The following NLRC4 variants were observed in gnomAD, a reference collection of about 807,000 sequenced individuals.
NLRC4 encodes the protein NLR family CARD domain-containing protein 4.
A neutral mutation model predicts 79.9 loss-of-function variants in NLRC4; 63 were observed. The ratio of observed to expected loss-of-function variants is 0.79; its 90% confidence interval spans 0.64 to 0.97. The LOEUF (loss-of-function observed/expected upper bound fraction) is 0.97. Among genes scored for constraint, NLRC4 ranks in the 50% least tolerant of loss-of-function variants. The probability of loss-of-function intolerance (pLI) is 0.00; values close to 1 mark genes in which losing one functional copy is unlikely to be tolerated. For missense variants in NLRC4, 1,074 were observed against 1,215.2 expected, an observed-to-expected ratio of 0.88 and a Z score of 1.73; for synonymous variants, 461 against 456.5, an observed-to-expected ratio of 1.01 and a Z score of -0.12.
intron 8 of NLRC4, among the ~76,000 whole-genome samples, chr2:32,229,957 T>C (rs190802460): frequency 6.6e-6 from 1 of 152,032 alleles, no homozygotes; most frequent in East Asian, 1.9e-4. Context: ...AGAGGAGAGA[T>C]AGAATGATAA....
chr2:32,257,016 A>C, intron 1 of NLRC4, 123 bp from the exon 2 acceptor site: 1 of 482,160 alleles, frequency 2.1e-6, no homozygotes, highest in Admixed American at 3.4e-5. Flanking sequence ...AAACTCGCTC[A>C]AAGCCCCTGG....
rs1297853554 is a variant in NLRC4 at position 32,252,464 on chromosome 2, G to C, written c.217C>G (p.Leu73Val). Residue 73 changes from leucine to valine, a missense_variant, in exon 3 of 9, where the codon CTT becomes GTT. By Grantham distance (32) the Leu-to-Val change is conservative (BLOSUM62 1). Transcript: ENST00000402280. ...SESCNLFLKS[L>V]KEWNYPLFQD... ...AATAGAGGATAGTTCCACTCCTTAAGGGATTTAAGAAAGAGGTTACAGGAC... is the reference window on the plus strand; with the variant it reads ...AATAGAGGATAGTTCCACTCCTTAACGGATTTAAGAAAGAGGTTACAGGAC... 1.2e-6 allele frequency: 2 copies of C among 1,609,870 alleles called. No individual in the cohort carries two copies. Among genetic ancestry groups the C allele is most frequent in the East Asian group, 4.5e-5 (2 of 44,868 alleles).
intron 8 of NLRC4, among the ~76,000 whole-genome samples, chr2:32,233,806 A>C (rs111648272): frequency 0.014 from 2,146 of 152,270 alleles, 23 homozygotes; most frequent in Non-Finnish European, 0.021. Flanking sequence ...CATTTGGTGT[A>C]TAGTGCAGAT....
intron 4 of NLRC4, among the ~76,000 whole-genome samples, chr2:32,248,353 C>G (rs767758601): frequency 1.3e-5 from 2 of 152,160 alleles, no homozygotes; most frequent in African/African-American, 4.8e-5. Context: ...AAACACACAT[C>G]ATTATACTCC....
At position 32,262,665 on chromosome 2, in the gene NLRC4, A is replaced by T. The variant is rs560599366; in HGVS notation, c.-119+2073T>A. On this transcript the variant is annotated intron_variant, in intron 1 of 8. Coordinates refer to ENST00000402280, the MANE Select transcript of NLRC4 (RefSeq NM_001199138.2). ...GAGGTGCACACCTGTAATCCCAGCT[A>T]CTTGGGAAGCTGGGACAGGAGAGTT... 1.2e-4 allele frequency among the ~76,000 whole-genome samples: 18 copies of T among 152,192 alleles called. No individual in the cohort carries two copies. The East Asian group carries it at 3.5e-3, about 29-fold the overall frequency.
At chr2:32,258,974 C>A (rs1008963872) in intron 1 of NLRC4, among the ~76,000 whole-genome samples, 18 of 152,212 alleles carry the variant, frequency 1.2e-4, no homozygotes, top group Admixed American at 1.0e-3. Context: ...GGGAAGAGAA[C>A]TAGAATCACT....
At chr2:32,228,764 T>C (rs1005994899) in intron 8 of NLRC4, among the ~76,000 whole-genome samples, 1 of 151,814 alleles carries the variant, frequency 6.6e-6, no homozygotes, top group Non-Finnish European at 1.5e-5. Flanking sequence ...GGGTCTGCGA[T>C]GGCTTTTTTT....
intron 1 of NLRC4, among the ~76,000 whole-genome samples, chr2:32,264,294 C>T (rs375450588): frequency 3.2e-4 from 48 of 151,760 alleles, no homozygotes; most frequent in African/African-American, 1.1e-3. Flanking sequence ...TTAGCTGGGG[C>T]GCGGTGCCGG....
At chr2:32,251,696 T>C (rs933619123) in intron 3 of NLRC4, 95 bp from the exon 4 acceptor site, 14 of 813,030 alleles carry the variant, frequency 1.7e-5, no homozygotes, top group Middle Eastern at 3.7e-4. Flanking sequence ...AGGCTGAGAA[T>C]CTGCCATTGG....
chr2:32,250,450 C>T lies in NLRC4; in HGVS notation c.1414G>A (p.Gly472Ser), dbSNP rs1373301484. 1 of 1,614,086 alleles carries T rather than the reference C, an allele frequency of 6.2e-7. No individual in the cohort carries two copies. Among genetic ancestry groups the T allele is most frequent in the Non-Finnish European group, 8.5e-7 (1 of 1,180,048 alleles). Residue 472 changes from glycine (G) to serine (S), a missense_variant, in exon 4 of 9, where the codon GGT becomes AGT. Physicochemically the swap from Gly to Ser is moderately conservative, Grantham distance 56. Coordinates refer to ENST00000402280, the MANE Select transcript of NLRC4 (RefSeq NM_001199138.2). This position sits in a 1 kb window ranked among gnomAD's most constrained non-coding sequence, Gnocchi z 4.9. Reference sequence around the variant, plus strand: ...ATGGAAACCATTTTCTGCAAGTAACCATTCCCCTTGGTCACCTCCTCTGGC... The same window carrying T: ...ATGGAAACCATTTTCTGCAAGTAACTATTCCCCTTGGTCACCTCCTCTGGC... ...HEPEEVTKGN[G>S]YLQKMVSISD...
At chr2:32,263,779 T>A (rs1426354538) in intron 1 of NLRC4, among the ~76,000 whole-genome samples, 1 of 152,216 alleles carries the variant, frequency 6.6e-6, no homozygotes, top group Non-Finnish European at 1.5e-5. Context: ...CCACCCAGTC[T>A]ATGGTATTTT....
intron 4 of NLRC4, 109 bp from the exon 5 acceptor site, chr2:32,241,234 A>T (rs1172706822): frequency 1.4e-6 from 1 of 704,888 alleles, no homozygotes; most frequent in Non-Finnish European, 2.4e-6. Flanking sequence ...AATGATCATC[A>T]TGAGCCAAAA....
chr2:32,238,370 C>G, intron 5 of NLRC4, 68 bp from the exon 6 acceptor site: 1 of 1,331,422 alleles, frequency 7.5e-7, no homozygotes, highest in Non-Finnish European at 1.1e-6. Flanking sequence ...GATTAATGAA[C>G]TGAAAAGAAA....
In NLRC4 at chr2:32,250,969, C is replaced by G; in HGVS notation, c.895G>C (p.Asp299His). 1 of 1,614,164 alleles carries G rather than the reference C, an allele frequency of 6.2e-7. No homozygotes were observed. ...QFGALTAEVG[D>H]MTEDSAQALI... The stretch of plus-strand genomic sequence containing the variant: ...GCCTGGGCGCTGTCTTCTGTCATAT[C>G]CCCCACCTCAGCAGTCAGGGCACCA... Residue 299 changes from aspartate (D) to histidine (H), a missense_variant, in exon 4 of 9, where the codon GAT becomes CAT. Coordinates refer to ENST00000402280, the MANE Select transcript of NLRC4 (RefSeq NM_001199138.2). The surrounding 1 kb of genome is among the most constrained non-coding windows in gnomAD (Gnocchi z 4.9).
At chr2:32,227,801 C>T (rs1558444228) in intron 8 of NLRC4, among the ~76,000 whole-genome samples, 1 of 152,064 alleles carries the variant, frequency 6.6e-6, no homozygotes, top group South Asian at 2.1e-4. Flanking sequence ...ATCTGCAGTG[C>T]TTATGTTATG....
At chr2:32,251,643 G>T (rs1687081545) in intron 3 of NLRC4, 42 bp from the exon 4 acceptor site, 2 of 1,379,230 alleles carry the variant, frequency 1.5e-6, no homozygotes, top group Non-Finnish European at 2.0e-6. Context: ...CCAATTCTGT[G>T]TCTCCTCAAA....
intron 8 of NLRC4, among the ~76,000 whole-genome samples, chr2:32,233,115 AAG>A (rs749005345): frequency 8.1e-6 from 1 of 122,932 alleles, no homozygotes; most frequent in Non-Finnish European, 1.6e-5. Context: ...CTCAAAGAGA[AAG>A]AGAGGGGTGG....
intron 1 of NLRC4, among the ~76,000 whole-genome samples, chr2:32,262,003 C>A (rs1403611174): frequency 1.3e-5 from 2 of 151,946 alleles, no homozygotes; most frequent in African/African-American, 4.8e-5. Context: ...ATCACTTGAA[C>A]CAGGGAGGCG....
At chr2:32,244,068 A>G (rs1686872554) in intron 4 of NLRC4, among the ~76,000 whole-genome samples, 1 of 152,110 alleles carries the variant, frequency 6.6e-6, no homozygotes, top group Admixed American at 6.6e-5. Context: ...TGGGCAACAT[A>G]GCGAGAACTC....
Sources: allele counts gnomAD v4.1 joint callset (sites outside exome capture counted in the v4.1 genomes callset), GRCh38; gene constraint gnomAD v4.1.1; non-coding constraint Gnocchi (gnomAD v3.1); transcripts MANE v1.5; gene names NCBI Gene and HGNC (gene_info 2026-07-23, HGNC 2026-07-21).